The following AGO2 variants were observed in gnomAD, a reference collection of about 807,000 sequenced individuals.
The protein encoded by AGO2 is argonaute RISC catalytic component 2, also known as protein argonaute-2.
In AGO2, 5 loss-of-function variants were observed where a neutral mutation model predicts 102.3. That is an observed-to-expected ratio of 0.05 (90% CI 0.03 to 0.10). AGO2 has a LOEUF of 0.10. AGO2 is among the 10% of genes least tolerant of loss of function. AGO2 has a pLI of 1.00. For synonymous variants in AGO2, 449 were observed against 473.1 expected, an observed-to-expected ratio of 0.95 and a Z score of 0.66; for missense variants, 541 against 1,183.7, an observed-to-expected ratio of 0.46 and a Z score of 7.97.
intron 6 of AGO2, 51 bp from the exon 7 acceptor site, chr8:140,558,623 G>C: frequency 5.1e-6 from 8 of 1,580,654 alleles, no homozygotes; most frequent in Non-Finnish European, 6.1e-6. Flanking sequence ...CGACCTGAGT[G>C]CAGGCGCCAC....
intron 1 of AGO2, among the ~76,000 whole-genome samples, chr8:140,625,960 T>C (rs1014040060): frequency 6.6e-6 from 1 of 152,230 alleles, no homozygotes; most frequent in Non-Finnish European, 1.5e-5. Context: ...TCTGGCAAAC[T>C]GCATACTTCA....
At chr8:140,618,217 G>A (rs1182180168) in intron 1 of AGO2, among the ~76,000 whole-genome samples, 1 of 152,184 alleles carries the variant, frequency 6.6e-6, no homozygotes, top group Non-Finnish European at 1.5e-5. Flanking sequence ...CTACTTGGGA[G>A]GCTAAGGCAG....
chr8:140,604,797 A>G (rs934149689), intron 1 of AGO2, among the ~76,000 whole-genome samples: 1 of 151,466 alleles, frequency 6.6e-6, no homozygotes, highest in African/African-American at 2.4e-5. Context: ...ACTGCACTCC[A>G]GCCTGGGCGA....
chr8:140,574,598 T>C (rs1435990367), intron 2 of AGO2, among the ~76,000 whole-genome samples: 1 of 152,028 alleles, frequency 6.6e-6, no homozygotes, highest in Non-Finnish European at 1.5e-5. Context: ...CCCAACTCAC[T>C]AAATGCCTGC....
In AGO2 at chr8:140,600,390, C is replaced by CA. The variant is rs1253467652; in HGVS notation, c.23-15080dup. Among the ~76,000 whole-genome samples the CA allele has an allele frequency of 5.3e-5, 8 of 152,256 alleles. No homozygotes were observed. The East Asian group carries it at 1.5e-3, about 29-fold the overall frequency. On this transcript the variant is annotated intron_variant, in intron 1 of 18. Coordinates refer to ENST00000220592, the MANE Select transcript of AGO2 (RefSeq NM_012154.5). ...GTCAGCGTCATGGGGTCTACAGATC[C>CA]AAAACACAGGCCGGGCGCGGTGGCT... is the stretch of plus-strand genomic sequence containing the variant.
chr8:140,562,342 C>T (rs535045736), intron 4 of AGO2, 111 bp downstream of exon 4: 14 of 1,353,680 alleles, frequency 1.0e-5, no homozygotes, highest in East Asian at 4.9e-5. Flanking sequence ...CGTGACCACT[C>T]CCACCCTGGA....
intron 4 of AGO2, among the ~76,000 whole-genome samples, chr8:140,561,976 C>A (rs191722113): frequency 2.0e-5 from 3 of 152,218 alleles, no homozygotes; most frequent in Admixed American, 6.5e-5. Flanking sequence ...AACTGCTCCC[C>A]TACACCCTCT....
At chr8:140,591,309 A>G (rs1023108144) in intron 1 of AGO2, among the ~76,000 whole-genome samples, 1 of 152,188 alleles carries the variant, frequency 6.6e-6, no homozygotes, top group Non-Finnish European at 1.5e-5. Context: ...TGAGCAGGGG[A>G]GCAGTCACCC....
chr8:140,629,149 C>T lies in AGO2; in HGVS notation c.22+6336G>A, dbSNP rs189863399. On this transcript the variant is annotated intron_variant, in intron 1 of 18. Transcript: ENST00000220592. The stretch of plus-strand genomic sequence containing the variant: ...ATTCTAAAAACTAATAATAAACGCG[C>T]GACTCTGGGGCCACGGACTTTTTTG... 2.8e-3 allele frequency among the ~76,000 whole-genome samples: 425 copies of T among 152,130 alleles called. 4 individuals carry two copies. The highest frequency in any genetic ancestry group is 9.6e-3 in the African/African-American group (397 of 41,490).
rs543068074 is a variant in AGO2, at chr8:140,520,897, G to A, written c.*11147C>T. On this transcript the variant is annotated 3_prime_UTR_variant, in exon 19 of 19. Coordinates refer to ENST00000220592, the MANE Select transcript of AGO2 (RefSeq NM_012154.5). ...ATTATTCTAATATAGGGCAACCTTC[G>A]AGCCAGATATTGCAGCAATTTTTTT... The A allele has an allele frequency of 7.2e-5, 11 of 152,248 alleles. No homozygotes were observed. Among genetic ancestry groups the A allele is most frequent in the African/African-American group, 2.4e-4 (10 of 41,552 alleles). The allele number at this position is 152,248 out of a possible 1,614,324, so 9.4% of individuals were successfully genotyped here. A position where few individuals can be genotyped will look rare whatever the true frequency, so the allele number is the denominator to read the frequency against.
chr8:140,642,213 CAGGG>C, the AGO2 span, among the ~76,000 whole-genome samples: 1 of 151,392 alleles, frequency 6.6e-6, no homozygotes, highest in Non-Finnish European at 1.5e-5. Flanking sequence ...GCTGGGGAGA[CAGGG>C]AGCGGCACGG....
chr8:140,585,354 T>C (rs2073639005), intron 1 of AGO2, 43 bp from the exon 2 acceptor site: 1 of 1,594,880 alleles, frequency 6.3e-7, no homozygotes, highest in Middle Eastern at 2.1e-4. Context: ...GGAGCAGGCT[T>C]GCTCTGCGGC....
chr8:140,539,503 T>A lies in AGO2; in HGVS notation c.2035-49A>T. 6.4e-7 allele frequency: 1 copy of A among 1,572,100 alleles called. No homozygotes were observed. The highest frequency in any genetic ancestry group is 8.7e-7 in the Non-Finnish European group (1 of 1,155,700). ...TTGTGCTTAAAGATGGTAGTGCATG[T>A]GAGCAACGGTCCCACGTGCGGGTTC... On this transcript the variant is annotated intron_variant, in intron 15 of 18. Coordinates refer to ENST00000220592, the MANE Select transcript of AGO2 (RefSeq NM_012154.5). This position sits in a 1 kb window ranked among gnomAD's most constrained non-coding sequence, Gnocchi z 4.7.
intron 6 of AGO2, among the ~76,000 whole-genome samples, 190 bp from the exon 7 acceptor site, chr8:140,558,762 G>A (rs2073144437): frequency 6.6e-6 from 1 of 152,218 alleles, no homozygotes; most frequent in Non-Finnish European, 1.5e-5. Context: ...TCACCTACAA[G>A]AGTACCACGT....
intron 4 of AGO2, 53 bp downstream of exon 4, chr8:140,562,400 C>A: frequency 6.4e-7 from 1 of 1,562,274 alleles, no homozygotes; most frequent in Non-Finnish European, 8.7e-7. Flanking sequence ...CTGCGGGGGG[C>A]CCTCGGAGCT....
At chr8:140,621,634 T>C (rs1301716441) in intron 1 of AGO2, among the ~76,000 whole-genome samples, 1 of 152,218 alleles carries the variant, frequency 6.6e-6, no homozygotes, top group African/African-American at 2.4e-5. Context: ...GTTCCAAGTA[T>C]GCTGTACACT....
intron 3 of AGO2, among the ~76,000 whole-genome samples, chr8:140,563,239 G>A (rs762143060): frequency 5.9e-5 from 9 of 152,134 alleles, no homozygotes; most frequent in South Asian, 2.1e-4. Context: ...AAATTCATTC[G>A]CCACTTTTGT....
At chr8:140,635,931 G>A (rs2074403970), upstream of AGO2, among the ~76,000 whole-genome samples, 2 of 148,744 alleles carry the variant, frequency 1.3e-5, no homozygotes, top group Non-Finnish European at 3.0e-5. Flanking sequence ...GTGTGGCGCG[G>A]GGGCGGGCGC....
At chr8:140,619,906 A>G (rs2074195943) in intron 1 of AGO2, among the ~76,000 whole-genome samples, 1 of 152,216 alleles carries the variant, frequency 6.6e-6, no homozygotes, top group Admixed American at 6.5e-5. Flanking sequence ...GGATAAGCAC[A>G]TGTAGATGTG....
Sources: gnomAD v4.1 joint callset for allele counts (sites outside exome capture counted in the v4.1 genomes callset) on GRCh38, gnomAD v4.1.1 for gene constraint, Gnocchi (gnomAD v3.1) non-coding constraint, MANE v1.5 for transcripts, NCBI Gene and HGNC (gene_info 2026-07-23, HGNC 2026-07-21) for gene names.